Variants in SNX29 observed in about 807,000 individuals in gnomAD.
SNX29 encodes sorting nexin-29.
In SNX29, 78 loss-of-function variants were observed where a neutral mutation model predicts 102.1. That is an observed-to-expected ratio of 0.76 (90% CI 0.64 to 0.92). The LOEUF is 0.92. Among genes scored for constraint, SNX29 ranks in the 40% least tolerant of loss-of-function variants. The pLI is 0.00. For missense variants in SNX29, 1,280 were observed against 1,061.7 expected (o/e 1.21, Z -2.86); for synonymous variants, 580 against 414.5 (o/e 1.40, Z -4.85).
At chr16:12,526,875 C>G in intron 20 of SNX29, 1 of 400,812 alleles carries the variant, frequency 2.5e-6, no homozygotes, top group Non-Finnish European at 4.7e-6. Flanking sequence ...TAATGCGAGC[C>G]TGTCGGTGTG....
intron 14 of SNX29, among the ~76,000 whole-genome samples, chr16:12,246,902 C>A (rs73504151): frequency 3.9e-5 from 6 of 152,104 alleles, no homozygotes; most frequent in Non-Finnish European, 5.9e-5. Flanking sequence ...TGTCCCCTCC[C>A]CTCGGCAGGT....
At chr16:12,545,633 C>G (rs928678352) in intron 20 of SNX29, 1 of 152,182 alleles carries the variant, frequency 6.6e-6, no homozygotes, top group African/African-American at 2.4e-5. Flanking sequence ...CTCTTTTCTT[C>G]TGTTCTGAGT....
chr16:12,002,190 G>A (rs559354154), intron 2 of SNX29, among the ~76,000 whole-genome samples: 1 of 152,236 alleles, frequency 6.6e-6, no homozygotes, highest in South Asian at 2.1e-4. Flanking sequence ...GCTCACGCCT[G>A]TAATCCCAGC....
intron 20 of SNX29, among the ~76,000 whole-genome samples, chr16:12,548,516 G>C (rs1456930160): frequency 3.3e-5 from 5 of 152,216 alleles, no homozygotes; most frequent in South Asian, 2.1e-4. Context: ...TGGACCAGAT[G>C]CTTTGAGGGT....
chr16:12,209,543 G>C (rs555132189), intron 14 of SNX29, among the ~76,000 whole-genome samples: 13 of 152,116 alleles, frequency 8.5e-5, no homozygotes, highest in Non-Finnish European at 1.6e-4. Context: ...TCTCCAGCTC[G>C]AGACCCCTCA....
At chr16:12,333,938 T>C (rs1261623480) in intron 15 of SNX29, among the ~76,000 whole-genome samples, 1 of 152,184 alleles carries the variant, frequency 6.6e-6, no homozygotes, top group East Asian at 1.9e-4. Flanking sequence ...CATTTATCTT[T>C]GCCATCTCAC....
chr16:12,148,805 C>G (rs967614046), intron 13 of SNX29, among the ~76,000 whole-genome samples: 3 of 152,174 alleles, frequency 2.0e-5, no homozygotes, highest in Non-Finnish European at 4.4e-5. Flanking sequence ...TCAAGTGATT[C>G]TGCTGCCTCA....
At chr16:12,532,222 A>G (rs1205894213) in intron 20 of SNX29, among the ~76,000 whole-genome samples, 1 of 152,328 alleles carries the variant, frequency 6.6e-6, no homozygotes, top group African/African-American at 2.4e-5. Flanking sequence ...TGTTTATGTA[A>G]ATTGTGTACT....
intron 3 of SNX29, among the ~76,000 whole-genome samples, chr16:12,021,978 A>G (rs2057038519): frequency 7.0e-6 from 1 of 142,756 alleles, no homozygotes; most frequent in Non-Finnish European, 1.6e-5. Flanking sequence ...TGCAGTGTCC[A>G]GGTCTGCTGG....
chr16:12,476,811 A>G (rs1245193014), intron 18 of SNX29, among the ~76,000 whole-genome samples: 4 of 152,062 alleles, frequency 2.6e-5, no homozygotes, highest in African/African-American at 9.7e-5. Flanking sequence ...TTTGGGGTTG[A>G]TGGGTGGCTT....
rs2079124085 is a variant in SNX29, at chr16:12,568,909, C to T, written c.*280C>T. The stretch of plus-strand genomic sequence containing the variant: ...ACCCTGGGCTGCAAGGGCTGTTCCT[C>T]CACCTTTCTGTAGTTCAGGGCTGGC... On this transcript the variant is annotated 3_prime_UTR_variant, in exon 21 of 21. Coordinates refer to ENST00000566228, the MANE Select transcript of SNX29 (RefSeq NM_032167.5). 6.4e-6 allele frequency: 3 copies of T among 471,316 alleles called. No homozygotes were observed. The highest frequency in any genetic ancestry group is 6.2e-5 in the South Asian group (2 of 32,198). 29.2% of individuals were successfully genotyped at this position (471,316 alleles called of 1,614,324 possible). A position where few individuals can be genotyped will look rare whatever the true frequency, so the allele number is the denominator to read the frequency against.
chr16:12,166,309 T>A (rs959710901), intron 13 of SNX29, among the ~76,000 whole-genome samples: 2 of 152,052 alleles, frequency 1.3e-5, no homozygotes, highest in Non-Finnish European at 2.9e-5. Context: ...GAGGGGGCCA[T>A]GATGGGCATT....
intron 5 of SNX29, among the ~76,000 whole-genome samples, chr16:12,044,481 A>G (rs763599517): frequency 1.3e-5 from 2 of 152,160 alleles, no homozygotes; most frequent in Non-Finnish European, 2.9e-5. Context: ...GACACTGATG[A>G]CACCTGTGTA....
At chr16:12,003,421 T>C (rs1260355346) in intron 3 of SNX29, among the ~76,000 whole-genome samples, 1 of 152,198 alleles carries the variant, frequency 6.6e-6, no homozygotes, top group Non-Finnish European at 1.5e-5. Context: ...GGGTGGAATG[T>C]TATATAGCCA....
intron 14 of SNX29, among the ~76,000 whole-genome samples, chr16:12,261,773 G>A (rs1596670120): frequency 7.5e-6 from 1 of 133,730 alleles, no homozygotes; most frequent in African/African-American, 2.8e-5. Context: ...TCCCCGGCTG[G>A]AGTGAGTGTT....
intron 18 of SNX29, among the ~76,000 whole-genome samples, chr16:12,406,543 C>A (rs2084173593): frequency 1.3e-5 from 2 of 152,228 alleles, no homozygotes. Flanking sequence ...GCGGTGCTCC[C>A]TGGTACTGGA....
intron 13 of SNX29, among the ~76,000 whole-genome samples, chr16:12,132,229 G>T (rs1261926407): frequency 6.6e-6 from 1 of 151,814 alleles, no homozygotes; most frequent in Admixed American, 6.6e-5. Context: ...CTCCCAAGTA[G>T]CTGGTATTAC....
chr16:12,554,698 C>G (rs182405188), intron 20 of SNX29, among the ~76,000 whole-genome samples: 9 of 152,206 alleles, frequency 5.9e-5, no homozygotes, highest in Non-Finnish European at 1.3e-4. Flanking sequence ...CATCCCTGCC[C>G]ATGCCTGGTG....
At chr16:12,245,536 G>C (rs2078235720) in intron 14 of SNX29, among the ~76,000 whole-genome samples, 1 of 151,582 alleles carries the variant, frequency 6.6e-6, no homozygotes, top group African/African-American at 2.4e-5. Flanking sequence ...ATATTTATGG[G>C]GCAGAAGTCT....
Sources: allele counts gnomAD v4.1 joint callset (sites outside exome capture counted in the v4.1 genomes callset), GRCh38; gene constraint gnomAD v4.1.1; transcripts MANE v1.5; gene names NCBI Gene and HGNC (gene_info 2026-07-23, HGNC 2026-07-21).